Variants in ADGRL2 observed in about 807,000 individuals in gnomAD.
ADGRL2 encodes the protein calcium-independent alpha-latrotoxin receptor 2.
Under a neutral mutation model 157.4 loss-of-function variants are expected in ADGRL2, and 44 were observed. The ratio of observed to expected loss-of-function variants is 0.28; its 90% CI spans 0.22 to 0.36. The LOEUF is 0.36. Ranked by LOEUF, ADGRL2 falls within the 10% of genes least tolerant of loss-of-function variation. The pLI is 1.00. For synonymous variants in ADGRL2, 585 were observed against 624.7 expected (o/e 0.94, Z 0.95); for missense variants, 1,510 against 1,768.9 (o/e 0.85, Z 2.63).
chr1:81,520,956 C>T (rs947762256), intron 2 of ADGRL2, among the ~76,000 whole-genome samples: 7 of 152,138 alleles, frequency 4.6e-5, no homozygotes, highest in African/African-American at 1.7e-4. Flanking sequence ...AGCATTCTAG[C>T]CAACAGAAAG....
At chr1:81,650,038 A>T (rs866589496) in intron 3 of ADGRL2, among the ~76,000 whole-genome samples, 2 of 149,766 alleles carry the variant, frequency 1.3e-5, no homozygotes, top group African/African-American at 4.9e-5. Context: ...GGGTGATAAA[A>T]GTATGGCACC....
At chr1:81,432,674 G>A (rs573961826) in intron 1 of ADGRL2, among the ~76,000 whole-genome samples, 15 of 152,076 alleles carry the variant, frequency 9.9e-5, no homozygotes, top group Admixed American at 6.5e-5. Flanking sequence ...CCCCCTCCTC[G>A]GCGCCGCTCC....
At chr1:81,800,198 C>T (rs1426711960), upstream of ADGRL2, among the ~76,000 whole-genome samples, 2 of 152,088 alleles carry the variant, frequency 1.3e-5, no homozygotes, top group African/African-American at 4.8e-5. Flanking sequence ...TGAGTTTAAT[C>T]AAAAACAAAC....
intron 2 of ADGRL2, among the ~76,000 whole-genome samples, chr1:81,888,828 T>C (rs976894775): frequency 8.5e-5 from 13 of 152,216 alleles, no homozygotes; most frequent in African/African-American, 3.1e-4. Context: ...TCCAGCAGTA[T>C]GTGCTCACTT....
At chr1:81,817,590 T>C (rs1384628966) in intron 1 of ADGRL2, among the ~76,000 whole-genome samples, 3 of 152,260 alleles carry the variant, frequency 2.0e-5, no homozygotes, top group Non-Finnish European at 2.9e-5. Context: ...GTTGTTTAGC[T>C]GAAAGGCAGA....
chr1:81,432,808 C>T (rs1365012047), intron 1 of ADGRL2, among the ~76,000 whole-genome samples: 1 of 152,048 alleles, frequency 6.6e-6, no homozygotes, highest in Admixed American at 6.6e-5. Flanking sequence ...CAGGAGCTTC[C>T]CTTGGAAGGC....
chr1:81,699,951 T>C (rs2083526487), intron 1 of ADGRL2: 2 of 152,144 alleles, frequency 1.3e-5, no homozygotes, highest in South Asian at 4.1e-4. Context: ...AGGGATAGAA[T>C]TGTCTGGTGC....
chr1:81,951,864 A>AT (rs1208697454), intron 8 of ADGRL2, 93 bp from the exon 9 acceptor site: 5 of 990,888 alleles, frequency 5.0e-6, no homozygotes, highest in African/African-American at 3.3e-5. Context: ...ACATTCGCAA[A>AT]TTTTTTTCAC....
intron 3 of ADGRL2, among the ~76,000 whole-genome samples, chr1:81,597,283 C>T (rs2148616582): frequency 6.6e-6 from 1 of 152,234 alleles, no homozygotes; most frequent in East Asian, 1.9e-4. Context: ...TCCTATCTTA[C>T]ATATTACTTT....
At chr1:81,724,665 T>C (rs1350777875) in intron 1 of ADGRL2, among the ~76,000 whole-genome samples, 2 of 152,242 alleles carry the variant, frequency 1.3e-5, no homozygotes, top group Non-Finnish European at 2.9e-5. Context: ...TGTTTCAATT[T>C]AAAGTGCTAG....
At chr1:81,404,186 C>T (rs947473866) in intron 1 of ADGRL2, among the ~76,000 whole-genome samples, 5 of 152,066 alleles carry the variant, frequency 3.3e-5, no homozygotes, top group African/African-American at 1.2e-4. Context: ...GCTGTAACAC[C>T]GGAATCAGAT....
rs2093556638 is a variant in ADGRL2, at chr1:81,866,854, T to A, written c.73+29797T>A. On this transcript the variant is annotated intron_variant, in intron 2 of 23. Coordinates refer to ENST00000686636, the MANE Select transcript of ADGRL2 (RefSeq NM_001366006.2). The stretch of plus-strand genomic sequence containing the variant: ...AGAAACTAATCTCTGATATTTGGGA[T>A]GTATGGGGTTTTTTTGGGGTGTGTG... 2.6e-5 allele frequency among the ~76,000 whole-genome samples: 4 copies of A among 152,264 alleles called. No homozygotes were observed. In the South Asian group the frequency reaches 6.2e-4, roughly 24 times the overall value.
chr1:81,910,282 T>TAA (rs2094689753), intron 3 of ADGRL2, among the ~76,000 whole-genome samples: 1 of 112,922 alleles, frequency 8.9e-6, no homozygotes, highest in African/African-American at 3.4e-5. Context: ...AATACTACAA[T>TAA]TGAGAAAGGT....
At chr1:81,671,730 C>T (rs576737080) in intron 3 of ADGRL2, among the ~76,000 whole-genome samples, 1 of 152,294 alleles carries the variant, frequency 6.6e-6, no homozygotes, top group South Asian at 2.1e-4. Context: ...CCAGGCTGAT[C>T]TCAAACTCCT....
intron 1 of ADGRL2, among the ~76,000 whole-genome samples, chr1:81,379,699 C>T (rs2076311516): frequency 6.6e-6 from 1 of 152,112 alleles, no homozygotes; most frequent in Admixed American, 6.5e-5. Context: ...CAGTGTGCTC[C>T]CCTCAACATC....
At chr1:81,505,864 G>C in intron 2 of ADGRL2, 1 of 344,826 alleles carries the variant, frequency 2.9e-6, no homozygotes, top group Non-Finnish European at 5.7e-6. Flanking sequence ...TCTTTAAAAT[G>C]GGATCAATGT....
intron 3 of ADGRL2, among the ~76,000 whole-genome samples, chr1:81,676,798 T>C (rs1316110272): frequency 1.3e-5 from 2 of 151,616 alleles, no homozygotes; most frequent in Non-Finnish European, 2.9e-5. Flanking sequence ...GTCATTCTCC[T>C]GCCTCAGCCT....
chr1:81,987,065 G>A (rs765004795), intron 22 of ADGRL2, 36 bp downstream of exon 22: 4 of 1,604,208 alleles, frequency 2.5e-6, no homozygotes, highest in Non-Finnish European at 3.4e-6. Context: ...ACCTTTCTTT[G>A]CTGCTAAACA....
At chr1:81,859,336 A>G (rs2093315254) in intron 2 of ADGRL2, among the ~76,000 whole-genome samples, 1 of 151,758 alleles carries the variant, frequency 6.6e-6, no homozygotes, top group South Asian at 2.1e-4. Flanking sequence ...TGAATATTTG[A>G]ATATTGTAGT....
Sources: allele counts gnomAD v4.1 joint callset (sites outside exome capture counted in the v4.1 genomes callset), GRCh38; gene constraint gnomAD v4.1.1; transcripts MANE v1.5; gene names NCBI Gene and HGNC (gene_info 2026-07-23, HGNC 2026-07-21).